PALM2AKAP2: variants seen among roughly 807,000 people sequenced by gnomAD.
The protein encoded by PALM2AKAP2 is PALM2-AKAP2 fusion protein.
A neutral mutation model predicts 71.5 loss-of-function variants in PALM2AKAP2; 37 were observed. That is an observed-to-expected ratio of 0.52 (90% CI 0.40 to 0.68). PALM2AKAP2 has a LOEUF of 0.68. PALM2AKAP2 is among the 30% of genes least tolerant of loss of function. The probability of loss-of-function intolerance (pLI) is 0.00; values close to 1 mark genes in which losing one functional copy is unlikely to be tolerated. For missense variants in PALM2AKAP2, 1,224 were observed against 1,191.8 expected (o/e 1.03, Z -0.40); for synonymous variants, 468 against 478.8 (o/e 0.98, Z 0.29).
intron 1 of PALM2AKAP2, among the ~76,000 whole-genome samples, chr9:109,710,855 C>T (rs772896932): frequency 3.3e-5 from 5 of 152,030 alleles, no homozygotes; most frequent in Non-Finnish European, 7.4e-5. Context: ...ATGGGCCTTG[C>T]AGGGAGAATG....
intron 1 of PALM2AKAP2, among the ~76,000 whole-genome samples, chr9:109,865,096 C>CTT (rs58922983): frequency 2.6e-5 from 2 of 75,640 alleles, no homozygotes; most frequent in Admixed American, 2.1e-4. Flanking sequence ...CTACTCATTC[C>CTT]TTTTTTTTTT....
chr9:109,916,092 T>C (rs1353069846), intron 3 of PALM2AKAP2, among the ~76,000 whole-genome samples: 1 of 152,168 alleles, frequency 6.6e-6, no homozygotes, highest in Non-Finnish European at 1.5e-5. Flanking sequence ...TATAGGCACC[T>C]GCCACCATGC....
chr9:109,911,286 G>A (rs1413598301), intron 3 of PALM2AKAP2, among the ~76,000 whole-genome samples: 1 of 152,198 alleles, frequency 6.6e-6, no homozygotes, highest in Non-Finnish European at 1.5e-5. Context: ...TGATGAAACA[G>A]ACTCAAATAA....
intron 2 of PALM2AKAP2, among the ~76,000 whole-genome samples, chr9:110,147,463 AG>A (rs1836204544): frequency 6.6e-6 from 1 of 152,154 alleles, no homozygotes; most frequent in South Asian, 2.1e-4. Flanking sequence ...GTACATAAAA[AG>A]CTCCCAGTAA....
intron 6 of PALM2AKAP2, among the ~76,000 whole-genome samples, chr9:109,997,713 T>C (rs1349812529): frequency 3.3e-5 from 5 of 152,186 alleles, no homozygotes; most frequent in Non-Finnish European, 4.4e-5. Context: ...TGCCCTCTAT[T>C]TGGAGGCCGC....
chr9:109,687,730 T>C (rs1215051125), intron 1 of PALM2AKAP2, among the ~76,000 whole-genome samples: 1 of 152,226 alleles, frequency 6.6e-6, no homozygotes, highest in Non-Finnish European at 1.5e-5. Context: ...AGCGTTTCCT[T>C]TGCATTCACA....
chr9:109,981,865 C>T (rs1832278148), intron 6 of PALM2AKAP2, among the ~76,000 whole-genome samples: 1 of 151,982 alleles, frequency 6.6e-6, no homozygotes. Flanking sequence ...TAAATTAGTA[C>T]AACCACTATG....
At chr9:109,700,369 G>A (rs1205161291) in intron 1 of PALM2AKAP2, among the ~76,000 whole-genome samples, 4 of 152,088 alleles carry the variant, frequency 2.6e-5, no homozygotes, top group Non-Finnish European at 5.9e-5. Context: ...CATGTAAGAC[G>A]TGACTTTGCT....
chr9:109,681,612 G>T (rs1280161443), intron 1 of PALM2AKAP2, among the ~76,000 whole-genome samples: 2 of 152,186 alleles, frequency 1.3e-5, no homozygotes, highest in Non-Finnish European at 2.9e-5. Flanking sequence ...CATGACAAAA[G>T]ACACTAGGGC....
chr9:109,721,967 A>G (rs1422439870), intron 1 of PALM2AKAP2, among the ~76,000 whole-genome samples: 3 of 152,218 alleles, frequency 2.0e-5, no homozygotes, highest in Non-Finnish European at 2.9e-5. Context: ...ATGCATCCCT[A>G]TTACAGACTG....
At chr9:109,651,856 A>G (rs968901046) in intron 1 of PALM2AKAP2, among the ~76,000 whole-genome samples, 5 of 152,230 alleles carry the variant, frequency 3.3e-5, no homozygotes, top group Non-Finnish European at 5.9e-5. Flanking sequence ...AGTAGGCTTA[A>G]TCAAAATTTT....
At chr9:109,914,790 G>A (rs1304375766) in intron 3 of PALM2AKAP2, among the ~76,000 whole-genome samples, 4 of 152,204 alleles carry the variant, frequency 2.6e-5, no homozygotes, top group Admixed American at 2.6e-4. Flanking sequence ...TCTCAATAGT[G>A]AGTTATTTCA....
At chr9:109,818,115 A>G (rs1271484384) in intron 1 of PALM2AKAP2, among the ~76,000 whole-genome samples, 3 of 152,184 alleles carry the variant, frequency 2.0e-5, no homozygotes, top group Admixed American at 6.5e-5. Flanking sequence ...ATATTTTTGG[A>G]ATGAGGCAAG....
At chr9:109,882,450 A>G (rs546198499) in intron 3 of PALM2AKAP2, among the ~76,000 whole-genome samples, 1 of 152,360 alleles carries the variant, frequency 6.6e-6, no homozygotes, top group African/African-American at 2.4e-5. Flanking sequence ...ATACATATGT[A>G]TACTCACACA....
chr9:110,011,008 A>ATATATATATATATAT (rs59500188), intron 6 of PALM2AKAP2, among the ~76,000 whole-genome samples: 32 of 91,708 alleles, frequency 3.5e-4, no homozygotes, highest in African/African-American at 2.1e-3. Context: ...AAAAAAAAAA[A>ATATATATATATATAT]AAAAAAATAT....
At chr9:109,867,610 C>A in intron 2 of PALM2AKAP2, 39 bp downstream of exon 2, 1 of 1,595,584 alleles carries the variant, frequency 6.3e-7, no homozygotes, top group Non-Finnish European at 8.5e-7. Flanking sequence ...CATTATTAGA[C>A]ATGCAGATCA....
intron 1 of PALM2AKAP2, among the ~76,000 whole-genome samples, chr9:109,831,202 G>A (rs1001034011): frequency 4.0e-5 from 6 of 148,348 alleles, no homozygotes; most frequent in African/African-American, 1.5e-4. Flanking sequence ...TAGGGCACAC[G>A]TATTCTCCCA....
rs367980096 is a variant in PALM2AKAP2, at chr9:110,137,949, G to C, written c.1979G>C (p.Gly660Ala). ...GATGACCCCTTGGAGTATCAGGCTG[G>C]CCTCCTGGTGCAGAATGCCATTCAA... is the stretch of plus-strand genomic sequence containing the variant. Residue 660 changes from glycine to alanine, a missense_variant, in exon 2 of 4, where the codon GGC becomes GCC. Transcript: ENST00000374525. The C allele has an allele frequency of 3.1e-6, 5 of 1,614,012 alleles. No individual in the cohort carries two copies. In the African/African-American group the frequency reaches 6.7e-5, roughly 22 times the overall value.
chr9:110,146,772 A>G (rs538513160), intron 2 of PALM2AKAP2, among the ~76,000 whole-genome samples: 17 of 152,230 alleles, frequency 1.1e-4, no homozygotes, highest in African/African-American at 3.8e-4. Flanking sequence ...GTGGAAGGCT[A>G]GGAGGTGAGG....
Sources: gnomAD v4.1 joint callset for allele counts (sites outside exome capture counted in the v4.1 genomes callset) on GRCh38, gnomAD v4.1.1 for gene constraint, MANE v1.5 for transcripts, NCBI Gene and HGNC (gene_info 2026-07-23, HGNC 2026-07-21) for gene names.